Variants in CHRM3 observed in about 807,000 individuals in gnomAD.
CHRM3 encodes muscarinic acetylcholine receptor M3.
CHRM3 carries 11 observed loss-of-function variants against 41.8 expected under a neutral mutation model. That is an observed-to-expected ratio of 0.26 (90% CI 0.17 to 0.44). The LOEUF (loss-of-function observed/expected upper bound fraction) is 0.44, where lower values mean the gene tolerates loss of function less well. CHRM3 is among the 20% of genes least tolerant of loss of function. The pLI is 1.00. For synonymous variants in CHRM3, 297 were observed against 301.4 expected (o/e 0.99, Z 0.15); for missense variants, 571 against 745.4 (o/e 0.77, Z 2.72).
intron 6 of CHRM3, among the ~76,000 whole-genome samples, chr1:239,861,977 A>C (rs1402545827): frequency 6.6e-6 from 1 of 152,182 alleles, no homozygotes; most frequent in Non-Finnish European, 1.5e-5. Flanking sequence ...TGCAGTTTGT[A>C]CTAGAGCCAC....
At chr1:239,600,504 G>A (rs1665386500) in intron 3 of CHRM3, among the ~76,000 whole-genome samples, 1 of 152,022 alleles carries the variant, frequency 6.6e-6, no homozygotes, top group African/African-American at 2.4e-5. Flanking sequence ...CCAATGAGTG[G>A]CTTTTCTTCT....
At chr1:239,562,722 T>C (rs1660986649) in intron 3 of CHRM3, among the ~76,000 whole-genome samples, 2 of 151,970 alleles carry the variant, frequency 1.3e-5, no homozygotes, top group African/African-American at 4.8e-5. Context: ...ACCCCATCTC[T>C]ACTAAAAATA....
chr1:239,565,080 C>T (rs1264213187), intron 3 of CHRM3, among the ~76,000 whole-genome samples: 1 of 152,168 alleles, frequency 6.6e-6, no homozygotes, highest in Admixed American at 6.5e-5. Context: ...ATATTGCCTT[C>T]TCCCCTATGG....
At chr1:239,396,148 C>T (rs1174266615) in intron 1 of CHRM3, among the ~76,000 whole-genome samples, 1 of 152,198 alleles carries the variant, frequency 6.6e-6, no homozygotes, top group Non-Finnish European at 1.5e-5. Context: ...TCTTCTGTTA[C>T]TCTATCAGAA....
At chr1:239,580,257 G>GTC (rs1252170919) in intron 3 of CHRM3, among the ~76,000 whole-genome samples, 1 of 50,684 alleles carries the variant, frequency 2.0e-5, no homozygotes, top group East Asian at 5.5e-4. Flanking sequence ...AATACACACT[G>GTC]TCACACACAC....
At chr1:239,677,413 A>T (rs552785513) in intron 4 of CHRM3, among the ~76,000 whole-genome samples, 1 of 152,332 alleles carries the variant, frequency 6.6e-6, no homozygotes, top group Non-Finnish European at 1.5e-5. Flanking sequence ...GGGAACTCAT[A>T]CCTAGTTGCG....
At chr1:239,630,546 T>C (rs2148865346) in intron 3 of CHRM3, among the ~76,000 whole-genome samples, 1 of 152,260 alleles carries the variant, frequency 6.6e-6, no homozygotes, top group South Asian at 2.1e-4. Flanking sequence ...TGGTAGAAAA[T>C]GTCTATTTGT....
intron 5 of CHRM3, among the ~76,000 whole-genome samples, chr1:239,758,328 C>G (rs1666408989): frequency 6.6e-6 from 1 of 152,096 alleles, no homozygotes; most frequent in African/African-American, 2.4e-5. Flanking sequence ...CCCACAGCAT[C>G]TTACTTGGTG....
At position 239,684,690 on chromosome 1, in the gene CHRM3, G is replaced by GGAGA. The variant is rs573080024; in HGVS notation, c.-147+6418_-147+6421dup. ...AGAAAGAAAAAAAGGAAGGAAGGAA[G>GGAGA]GAGAGAGAGAGAGAGAGAGGAAAGA... is the stretch of plus-strand genomic sequence containing the variant. On this transcript the variant is annotated intron_variant, in intron 5 of 6. Coordinates refer to ENST00000676153, the MANE Select transcript of CHRM3 (RefSeq NM_001375978.1). 3.9e-4 allele frequency among the ~76,000 whole-genome samples: 46 copies of GGAGA among 119,204 alleles called. 1 individual carries two copies. The highest frequency in any genetic ancestry group is 1.3e-3 in the African/African-American group (41 of 31,734). 78.2% of individuals were successfully genotyped at this position (119,204 alleles called of 152,430 possible). A position where few individuals can be genotyped will look rare whatever the true frequency, so the allele number is the denominator to read the frequency against.
At chr1:239,591,027 A>T (rs925266168) in intron 3 of CHRM3, among the ~76,000 whole-genome samples, 1 of 152,180 alleles carries the variant, frequency 6.6e-6, no homozygotes, top group East Asian at 1.9e-4. Flanking sequence ...AATGCTCATT[A>T]TGCTGGGCGC....
At chr1:239,881,282 CAAAAAAA>C (rs71567253) in intron 6 of CHRM3, among the ~76,000 whole-genome samples, 10 of 33,990 alleles carry the variant, frequency 2.9e-4, no homozygotes, top group South Asian at 2.7e-3. Flanking sequence ...GACTCCGTCT[CAAAAAAA>C]AAAAAAAAAA....
intron 4 of CHRM3, among the ~76,000 whole-genome samples, 188 bp from the exon 5 acceptor site, chr1:239,677,998 G>T (rs1406948708): frequency 6.6e-6 from 1 of 152,206 alleles, no homozygotes; most frequent in Non-Finnish European, 1.5e-5. Flanking sequence ...CCCTCAGCGG[G>T]ATACTAACAG....
chr1:239,572,755 T>A (rs1296286356), intron 3 of CHRM3, among the ~76,000 whole-genome samples: 1 of 151,840 alleles, frequency 6.6e-6, no homozygotes, highest in Non-Finnish European at 1.5e-5. Flanking sequence ...TCTTAATGGA[T>A]GTGATATGGG....
chr1:239,494,971 A>G (rs1404158009), intron 2 of CHRM3, among the ~76,000 whole-genome samples: 1 of 152,138 alleles, frequency 6.6e-6, no homozygotes, highest in Non-Finnish European at 1.5e-5. Flanking sequence ...AAAAAATGAT[A>G]TATTTGACCT....
intron 3 of CHRM3, among the ~76,000 whole-genome samples, chr1:239,605,744 ATAACT>A (rs1031289448): frequency 2.3e-4 from 35 of 152,342 alleles, no homozygotes; most frequent in African/African-American, 6.7e-4. Context: ...GATATTTAAG[ATAACT>A]TAAGTTTATG....
At chr1:239,480,821 G>T (rs1396531047) in intron 1 of CHRM3, among the ~76,000 whole-genome samples, 3 of 152,082 alleles carry the variant, frequency 2.0e-5, no homozygotes, top group Non-Finnish European at 4.4e-5. Flanking sequence ...GCCTCCCAAA[G>T]TGCTGGGATT....
intron 1 of CHRM3, among the ~76,000 whole-genome samples, chr1:239,446,338 G>A (rs1664154737): frequency 6.6e-6 from 1 of 152,174 alleles, no homozygotes. Context: ...AATCAAATTA[G>A]GAGCCAAATA....
rs1256774622 is a variant in CHRM3 at position 239,687,224 on chromosome 1, A to G, written c.-147+8936A>G. ...ATCCATTTTTACTAAGAATATTTGT[A>G]CAAGTTTTATATTTGATTTATCACT... is the stretch of plus-strand genomic sequence containing the variant. On this transcript the variant is annotated intron_variant, in intron 5 of 6. Coordinates refer to ENST00000676153, the MANE Select transcript of CHRM3 (RefSeq NM_001375978.1). Among the ~76,000 whole-genome samples, 4 of 152,228 alleles carry G rather than the reference A, an allele frequency of 2.6e-5. No homozygotes were observed. The East Asian group carries it at 7.7e-4, about 29-fold the overall frequency.
intron 5 of CHRM3, among the ~76,000 whole-genome samples, chr1:239,775,811 G>A (rs560045095): frequency 3.0e-4 from 45 of 152,296 alleles, no homozygotes; most frequent in African/African-American, 9.6e-4. Flanking sequence ...GGAGCTGAAG[G>A]CTTGGAACTG....
Sources: gnomAD v4.1 joint callset for allele counts (sites outside exome capture counted in the v4.1 genomes callset) on GRCh38, gnomAD v4.1.1 for gene constraint, MANE v1.5 for transcripts, NCBI Gene and HGNC (gene_info 2026-07-23, HGNC 2026-07-21) for gene names.